The following SYT1 variants were observed in gnomAD, a reference collection of about 807,000 sequenced individuals.
SYT1 encodes synaptotagmin 1.
Under a neutral mutation model 44.8 loss-of-function variants are expected in SYT1, and 8 were observed. The observed-to-expected ratio is 0.18, with a 90% CI of 0.10 to 0.32. SYT1 has a LOEUF of 0.32. Ranked by LOEUF, SYT1 falls within the 10% of genes least tolerant of loss-of-function variation. SYT1 has a pLI of 1.00. For missense variants in SYT1, 286 were observed against 509.3 expected, an observed-to-expected ratio of 0.56 and a Z score of 4.22; for synonymous variants, 154 against 188.8, an observed-to-expected ratio of 0.82 and a Z score of 1.51.
At chr12:79,110,434 ATCT>A (rs1423327539) in intron 3 of SYT1, among the ~76,000 whole-genome samples, 5 of 152,114 alleles carry the variant, frequency 3.3e-5, no homozygotes, top group Admixed American at 6.6e-5. Flanking sequence ...TGGGGTTTTC[ATCT>A]TCTTTTTTAT....
chr12:79,197,378 G>A (rs972991586), intron 3 of SYT1, among the ~76,000 whole-genome samples: 1 of 152,124 alleles, frequency 6.6e-6, no homozygotes, highest in African/African-American at 2.4e-5. Context: ...CAAAATTCAG[G>A]GTGGGGAGGA....
At chr12:79,229,252 A>T (rs1480216882) in intron 4 of SYT1, among the ~76,000 whole-genome samples, 1 of 152,234 alleles carries the variant, frequency 6.6e-6, no homozygotes, top group African/African-American at 2.4e-5. Flanking sequence ...TTACTGCTAC[A>T]AACAACTATT....
chr12:78,870,244 A>G (rs1034147034), intron 1 of SYT1, among the ~76,000 whole-genome samples: 1 of 152,130 alleles, frequency 6.6e-6, no homozygotes, highest in Admixed American at 6.6e-5. Context: ...TTAAAAAGAC[A>G]TTTAGCTAAG....
intron 3 of SYT1, among the ~76,000 whole-genome samples, chr12:79,134,063 C>T (rs1869027247): frequency 6.6e-6 from 1 of 152,146 alleles, no homozygotes; most frequent in Admixed American, 6.6e-5. Context: ...TCTGATTTCC[C>T]TGTGACTCAG....
At chr12:79,372,608 C>T (rs1052735913) in intron 9 of SYT1, among the ~76,000 whole-genome samples, 4 of 151,860 alleles carry the variant, frequency 2.6e-5, no homozygotes, top group African/African-American at 9.7e-5. Flanking sequence ...GAAATGTAGA[C>T]CAAACTCCGG....
At position 78,963,682 on chromosome 12, in the gene SYT1, G is replaced by A. The variant is rs899911483; in HGVS notation, c.-216-14117G>A. On this transcript the variant is annotated intron_variant, in intron 1 of 10. Transcript: ENST00000261205. ...AAAACAAACAAAAAAACAGATGCTG[G>A]CAAGGTTGTGGAGAAATTGAAACCC... 2.0e-5 allele frequency among the ~76,000 whole-genome samples: 3 copies of A among 152,088 alleles called. No homozygotes were observed. In the East Asian group the frequency reaches 5.8e-4, roughly 29 times the overall value.
chr12:79,355,034 C>A (rs2136011167), intron 9 of SYT1, among the ~76,000 whole-genome samples: 1 of 152,254 alleles, frequency 6.6e-6, no homozygotes, highest in East Asian at 1.9e-4. Flanking sequence ...TTTGTCCTGG[C>A]TTCTTCCGGG....
chr12:79,363,473 C>T (rs1298731326), intron 9 of SYT1, among the ~76,000 whole-genome samples: 2 of 151,746 alleles, frequency 1.3e-5, no homozygotes, highest in Non-Finnish European at 2.9e-5. Flanking sequence ...ACCTGTAATC[C>T]CAGTACTTGG....
intron 3 of SYT1, among the ~76,000 whole-genome samples, chr12:79,069,386 A>G (rs550058304): frequency 7.2e-5 from 11 of 152,260 alleles, no homozygotes; most frequent in Non-Finnish European, 5.9e-5. Flanking sequence ...CATAATGCTG[A>G]CTTAAGCTCT....
At chr12:79,154,907 A>G (rs927160489) in intron 3 of SYT1, among the ~76,000 whole-genome samples, 1 of 152,142 alleles carries the variant, frequency 6.6e-6, no homozygotes, top group African/African-American at 2.4e-5. Context: ...TACTGAATAC[A>G]TCTACCAAGA....
At chr12:79,385,449 T>G (rs1157043201) in intron 9 of SYT1, among the ~76,000 whole-genome samples, 1 of 137,684 alleles carries the variant, frequency 7.3e-6, no homozygotes, top group Non-Finnish European at 1.6e-5. Context: ...AATCAAGCTT[T>G]ATGTATATTC....
intron 1 of SYT1, chr12:78,926,609 C>T (rs533263589): frequency 6.1e-5 from 9 of 148,644 alleles, no homozygotes; most frequent in Non-Finnish European, 1.5e-5. Flanking sequence ...ATGGAATAAA[C>T]CAAAAAAAAA....
rs530492239 is a variant in SYT1, at chr12:78,957,917, T to G, written c.-216-19882T>G. Among the ~76,000 whole-genome samples the G allele has an allele frequency of 2.6e-5, 4 of 152,312 alleles. No individual in the cohort carries two copies. In the East Asian group the frequency reaches 7.7e-4, roughly 29 times the overall value. On this transcript the variant is annotated intron_variant, in intron 1 of 10. Coordinates refer to ENST00000261205, the MANE Select transcript of SYT1 (RefSeq NM_005639.3). ...AAATCAGTTGACCCAATCTGTAATT[T>G]TATTTGCTTTCCAGCCTTCAGATAA... is the stretch of plus-strand genomic sequence containing the variant.
At chr12:79,111,923 T>G (rs1879034376) in intron 3 of SYT1, among the ~76,000 whole-genome samples, 1 of 152,038 alleles carries the variant, frequency 6.6e-6, no homozygotes, top group Admixed American at 6.6e-5. Context: ...ATTTTTTAAC[T>G]TTTCATTTCA....
chr12:79,257,652 TG>T (rs1877601012), intron 4 of SYT1, among the ~76,000 whole-genome samples: 1 of 152,160 alleles, frequency 6.6e-6, no homozygotes, highest in Admixed American at 6.5e-5. Context: ...AACCCCCGGC[TG>T]ATTTTTTGTA....
At chr12:79,329,177 C>T (rs547002347) in intron 8 of SYT1, among the ~76,000 whole-genome samples, 1 of 152,072 alleles carries the variant, frequency 6.6e-6, no homozygotes, top group Admixed American at 6.6e-5. Context: ...TCTGAAAGAC[C>T]CACTGGGTGA....
intron 4 of SYT1, among the ~76,000 whole-genome samples, chr12:79,253,662 G>T (rs560901622): frequency 3.9e-5 from 6 of 152,266 alleles, no homozygotes; most frequent in African/African-American, 1.4e-4. Flanking sequence ...AGCCAGGAAT[G>T]ATTAGGCTTA....
At chr12:79,015,489 T>C (rs1871748068) in intron 2 of SYT1, among the ~76,000 whole-genome samples, 1 of 152,214 alleles carries the variant, frequency 6.6e-6, no homozygotes, top group South Asian at 2.1e-4. Context: ...ATATTGTTGA[T>C]GTCTGTATCA....
At chr12:79,410,935 G>A (rs954249620) in intron 9 of SYT1, among the ~76,000 whole-genome samples, 1 of 152,042 alleles carries the variant, frequency 6.6e-6, no homozygotes, top group South Asian at 2.1e-4. Flanking sequence ...TCTTTTTCTG[G>A]ATAACTTATT....
Sources: gnomAD v4.1 joint callset for allele counts (sites outside exome capture counted in the v4.1 genomes callset) on GRCh38, gnomAD v4.1.1 for gene constraint, MANE v1.5 for transcripts, NCBI Gene and HGNC (gene_info 2026-07-23, HGNC 2026-07-21) for gene names.